Variants in FSHR observed in about 807,000 individuals in gnomAD.
The protein encoded by FSHR is follicle stimulating hormone receptor.
In FSHR, 46 loss-of-function variants were observed where a neutral mutation model predicts 52.1. That is an observed-to-expected ratio of 0.88 (90% CI 0.70 to 1.13). The LOEUF (loss-of-function observed/expected upper bound fraction) is 1.13, where lower values mean the gene tolerates loss of function less well. Among genes scored for constraint, FSHR ranks in the 50% most tolerant of loss-of-function variants. The pLI, the probability that FSHR is intolerant of heterozygous loss-of-function variation, is 0.00. For missense variants in FSHR, 964 were observed against 834.6 expected (o/e 1.16, Z -1.91); for synonymous variants, 399 against 309.6 (o/e 1.29, Z -3.03).
rs80320449 is a variant in FSHR at position 49,143,874 on chromosome 2, G to A, written c.152+10392C>T. 4.6e-5 allele frequency among the ~76,000 whole-genome samples: 7 copies of A among 152,244 alleles called. No individual in the cohort carries two copies. The East Asian group carries it at 1.4e-3, about 29-fold the overall frequency. ...TCCCTAAAACACTCAGGGACTGGAG[G>A]CACTGGTATCTCTAGGAGTGGGGCA... On this transcript the variant is annotated intron_variant, in intron 1 of 9. Transcript: ENST00000406846.
In FSHR at chr2:49,126,179, A is replaced by G. The variant is rs191382290; in HGVS notation, c.152+28087T>C. Reference sequence around the variant, plus strand: ...TCTGAGACTGGGTAATTTAAAAAGAACAGAGGTTTATTTGTTACAGTTTTG... The same window carrying G: ...TCTGAGACTGGGTAATTTAAAAAGAGCAGAGGTTTATTTGTTACAGTTTTG... On this transcript the variant is annotated intron_variant, in intron 1 of 9. Coordinates refer to ENST00000406846, the MANE Select transcript of FSHR (RefSeq NM_000145.4). Among the ~76,000 whole-genome samples the G allele has an allele frequency of 2.6e-5, 4 of 152,346 alleles. No individual in the cohort carries two copies. In the East Asian group the frequency reaches 7.7e-4, roughly 29 times the overall value.
At chr2:49,032,417 C>A (rs996639719) in intron 2 of FSHR, among the ~76,000 whole-genome samples, 17 of 152,272 alleles carry the variant, frequency 1.1e-4, no homozygotes, top group African/African-American at 4.1e-4. Context: ...ATTAACAATA[C>A]TGTAGTATTT....
At chr2:48,985,494 C>T (rs1675460982) in intron 6 of FSHR, among the ~76,000 whole-genome samples, 1 of 152,164 alleles carries the variant, frequency 6.6e-6, no homozygotes, top group Non-Finnish European at 1.5e-5. Context: ...TTTCCCCATT[C>T]AGGCACTCTG....
chr2:49,026,092 C>T (rs1463966771), intron 2 of FSHR, among the ~76,000 whole-genome samples: 1 of 152,156 alleles, frequency 6.6e-6, no homozygotes, highest in Non-Finnish European at 1.5e-5. Flanking sequence ...CTGCTTCCTT[C>T]TCATGGGCAA....
At chr2:49,021,853 C>A (rs1238594600) in intron 2 of FSHR, among the ~76,000 whole-genome samples, 5 of 34,204 alleles carry the variant, frequency 1.5e-4, no homozygotes, top group East Asian at 2.7e-3. Context: ...CTCTCTCTCT[C>A]TCTCTCTCTC....
intron 1 of FSHR, among the ~76,000 whole-genome samples, chr2:49,126,935 C>T (rs564381422): frequency 2.0e-5 from 3 of 152,284 alleles, no homozygotes; most frequent in Non-Finnish European, 2.9e-5. Flanking sequence ...AGAGTATTCA[C>T]TTCTGTAAGC....
intron 2 of FSHR, among the ~76,000 whole-genome samples, chr2:49,064,701 G>C (rs1176709277): frequency 6.6e-6 from 1 of 152,106 alleles, no homozygotes; most frequent in Non-Finnish European, 1.5e-5. Flanking sequence ...AAAACAACAG[G>C]ACTTGGTGTT....
chr2:49,125,277 C>T (rs1671957586), intron 1 of FSHR, among the ~76,000 whole-genome samples: 2 of 151,908 alleles, frequency 1.3e-5, no homozygotes, highest in South Asian at 4.2e-4. Flanking sequence ...TTGTCTTGGG[C>T]CACACGTAAA....
At chr2:49,148,348 T>C (rs1485830921) in intron 1 of FSHR, among the ~76,000 whole-genome samples, 1 of 151,822 alleles carries the variant, frequency 6.6e-6, no homozygotes, top group Non-Finnish European at 1.5e-5. Context: ...GCAAGGAAAA[T>C]AAGAAAGCTA....
In FSHR at chr2:49,068,174, A is replaced by G. The variant is rs777112315; in HGVS notation, c.224+45T>C. On this transcript the variant is annotated intron_variant, in intron 2 of 9. Transcript: ENST00000406846. ...TAGATGTGGTCTGAGGTTGCTCCCTATAGCCCCCTTGAGGCATTCACTCAC... is the reference window on the plus strand; with the variant it reads ...TAGATGTGGTCTGAGGTTGCTCCCTGTAGCCCCCTTGAGGCATTCACTCAC... 9.4e-6 allele frequency: 14 copies of G among 1,486,252 alleles called. No homozygotes were observed. The African/African-American group carries it at 1.6e-4, about 16-fold the overall frequency. 92.1% of individuals were successfully genotyped at this position (1,486,252 alleles called of 1,614,324 possible).
chr2:49,120,362 A>G (rs1671767779), intron 1 of FSHR, among the ~76,000 whole-genome samples: 2 of 152,204 alleles, frequency 1.3e-5, no homozygotes, highest in Admixed American at 6.5e-5. Context: ...AGTGAAATTC[A>G]TTATAAATCA....
chr2:49,075,831 G>T (rs1440053749), intron 1 of FSHR, among the ~76,000 whole-genome samples: 1 of 151,846 alleles, frequency 6.6e-6, no homozygotes, highest in Non-Finnish European at 1.5e-5. Context: ...GGAGAGACAG[G>T]GTTTTACCAT....
intron 4 of FSHR, among the ~76,000 whole-genome samples, chr2:48,995,454 G>C (rs1052218713): frequency 2.6e-5 from 4 of 152,112 alleles, no homozygotes; most frequent in African/African-American, 9.7e-5. Flanking sequence ...TAGCAAGTGT[G>C]TATATCCGGA....
chr2:49,038,519 G>GGAGGCT (rs992805082), intron 2 of FSHR, among the ~76,000 whole-genome samples: 8 of 151,458 alleles, frequency 5.3e-5, no homozygotes. Flanking sequence ...CAGCTACTCA[G>GGAGGCT]GAGGCTGAGG....
chr2:49,072,988 G>A (rs868264973), intron 1 of FSHR, among the ~76,000 whole-genome samples: 3 of 152,050 alleles, frequency 2.0e-5, no homozygotes, highest in East Asian at 1.9e-4. Flanking sequence ...CAAAAGGTAT[G>A]TGCACATTTC....
intron 2 of FSHR, among the ~76,000 whole-genome samples, chr2:49,065,806 G>A (rs948135549): frequency 1.3e-4 from 20 of 151,974 alleles, no homozygotes; most frequent in African/African-American, 4.8e-4. Context: ...ATTTTTGAAG[G>A]GCAGTTGAAG....
chr2:49,069,379 C>T (rs1669643870), intron 1 of FSHR, among the ~76,000 whole-genome samples: 1 of 152,096 alleles, frequency 6.6e-6, no homozygotes, highest in Non-Finnish European at 1.5e-5. Context: ...TCAAATGTTA[C>T]CATTTCAGTG....
chr2:49,049,660 G>A (rs114510645), intron 2 of FSHR, among the ~76,000 whole-genome samples: 1,627 of 151,966 alleles, frequency 0.011, 33 homozygotes, highest in African/African-American at 0.037. Flanking sequence ...TATTTTCTTC[G>A]TTGTAATCCC....
intron 1 of FSHR, among the ~76,000 whole-genome samples, chr2:49,146,043 G>A (rs1672857047): frequency 6.6e-6 from 1 of 151,990 alleles, no homozygotes; most frequent in South Asian, 2.1e-4. Context: ...AAATACAGAG[G>A]ATCTTAATGC....
Sources: allele counts gnomAD v4.1 joint callset (sites outside exome capture counted in the v4.1 genomes callset), GRCh38; gene constraint gnomAD v4.1.1; transcripts MANE v1.5; gene names NCBI Gene and HGNC (gene_info 2026-07-23, HGNC 2026-07-21).